AGAP6: variants seen among roughly 807,000 people sequenced by gnomAD.
The protein encoded by AGAP6 is ArfGAP with GTPase domain, ankyrin repeat and PH domain 6.
AGAP6 carries 29 observed loss-of-function variants against 63.9 expected under a neutral mutation model. The ratio of observed to expected loss-of-function variants is 0.45; its 90% CI spans 0.34 to 0.62. AGAP6 has a LOEUF of 0.62. Among genes scored for constraint, AGAP6 ranks in the 20% least tolerant of loss-of-function variants. The pLI, the probability that AGAP6 is intolerant of heterozygous loss-of-function variation, is 0.01. For missense variants in AGAP6, 493 were observed against 884.9 expected (o/e 0.56, Z 5.62); for synonymous variants, 199 against 332.9 (o/e 0.60, Z 4.38).
intron 4 of AGAP6, among the ~76,000 whole-genome samples, chr10:49,995,055 G>A (rs1554861712): frequency 6.6e-6 from 1 of 151,226 alleles, no homozygotes; most frequent in Non-Finnish European, 1.5e-5. Context: ...TGCCAGCACT[G>A]TCTATTGACT....
chr10:49,991,820 A>G, intron 3 of AGAP6, 76 bp downstream of exon 3: 3 of 1,580,800 alleles, frequency 1.9e-6, no homozygotes, highest in Admixed American at 1.8e-5. Context: ...AAGTATTTAG[A>G]AAAACTCATA....
chr10:50,009,161 T>C lies in AGAP6; in HGVS notation c.1036T>C (p.Ser346Pro). 2.5e-6 allele frequency: 4 copies of C among 1,614,148 alleles called. No homozygotes were observed. Among genetic ancestry groups the C allele is most frequent in the Non-Finnish European group, 3.4e-6 (4 of 1,180,026 alleles). The change falls in exon 8 of 8, where the codon TCC becomes CCC. Residue 346 changes from serine to proline, a missense_variant. Physicochemically the swap from Ser to Pro is moderately conservative, Grantham distance 74. Coordinates refer to ENST00000412531, the MANE Select transcript of AGAP6 (RefSeq NM_001077665.3). ...CATCAAAGTCCCAGGAAAGTGGCCATCCCTAGCCACATCGGCCTGCACACC... is the reference window on the plus strand; with the variant it reads ...CATCAAAGTCCCAGGAAAGTGGCCACCCCTAGCCACATCGGCCTGCACACC... ...STIKVPGKWP[S>P]LATSACTPIS...
intron 6 of AGAP6, among the ~76,000 whole-genome samples, chr10:50,007,402 A>AG (rs1161066892): frequency 9.9e-6 from 1 of 100,626 alleles, no homozygotes; most frequent in Admixed American, 1.1e-4. Flanking sequence ...CAAAAAAAAA[A>AG]AAAAAAAAAA....
At position 49,999,192 on chromosome 10, in the gene AGAP6, C is replaced by A. The variant is rs1345052756; in HGVS notation, c.397-2804C>A. Among the ~76,000 whole-genome samples, 5 of 136,874 alleles carry A rather than the reference C, an allele frequency of 3.7e-5. 2 individuals carry two copies. Among genetic ancestry groups the A allele is most frequent in the Non-Finnish European group, 3.1e-5 (2 of 65,138 alleles). 89.8% of individuals were successfully genotyped at this position (136,874 alleles called of 152,430 possible). A position where few individuals can be genotyped will look rare whatever the true frequency, so the allele number is the denominator to read the frequency against. ...GGCAGAGGTTGCAGTGAGCCAAGAT[C>A]ACCGCACTGCATACTCCAGCCTGGG... On this transcript the variant is annotated intron_variant, in intron 4 of 7. Transcript: ENST00000412531.
At chr10:50,007,799 G>A (rs191304712) in intron 6 of AGAP6, among the ~76,000 whole-genome samples, 4,697 of 152,060 alleles carry the variant, frequency 0.031, 210 homozygotes, top group African/African-American at 0.1. Flanking sequence ...ATACTCACGG[G>A]CATTTCTGAC....
At chr10:50,000,010 C>T (rs1227005814) in intron 4 of AGAP6, among the ~76,000 whole-genome samples, 5 of 133,378 alleles carry the variant, frequency 3.7e-5, no homozygotes, top group African/African-American at 8.8e-5. Context: ...GAAGTCAGTG[C>T]GTGGGCATCC....
Position 50,004,385 on chromosome 10 carries a change from G to A in AGAP6, c.498-300G>A, listed in dbSNP as rs185020262. The stretch of plus-strand genomic sequence containing the variant: ...AATAAATAAATACATAAAATAAATC[G>A]CATGGGACGAAAGGTTTCATGGGTA... On this transcript the variant is annotated intron_variant, in intron 5 of 7. Coordinates refer to ENST00000412531, the MANE Select transcript of AGAP6 (RefSeq NM_001077665.3). 4.8e-3 allele frequency among the ~76,000 whole-genome samples: 724 copies of A among 151,326 alleles called. 4 individuals are homozygous for A. Among genetic ancestry groups the A allele is most frequent in the Middle Eastern group, 0.017 (5 of 294 alleles).
chr10:49,993,485 A>C (rs1841363507), intron 3 of AGAP6, among the ~76,000 whole-genome samples: 1 of 152,098 alleles, frequency 6.6e-6, no homozygotes, highest in African/African-American at 2.4e-5. Flanking sequence ...TTTGTGCTGC[A>C]GACACCATGT....
chr10:50,001,442 C>T (rs1226745875), intron 4 of AGAP6, among the ~76,000 whole-genome samples: 40 of 94,436 alleles, frequency 4.2e-4, no homozygotes, highest in Non-Finnish European at 4.6e-4. Context: ...TTTTTTGAGA[C>T]GGAGTCTCAC....
intron 5 of AGAP6, among the ~76,000 whole-genome samples, chr10:50,003,478 A>G (rs536954857): frequency 2.2e-4 from 33 of 152,244 alleles, no homozygotes; most frequent in African/African-American, 7.7e-4. Context: ...GAAAATCGGG[A>G]TGGATGTGAG....
Position 49,988,752 on chromosome 10 carries a change from G to A in AGAP6, c.37G>A (p.Val13Ile), listed in dbSNP as rs782327008. The A allele has an allele frequency of 2.4e-5, 38 of 1,590,816 alleles. No individual in the cohort carries two copies. Among genetic ancestry groups the A allele is most frequent in the Admixed American group, 6.7e-5 (4 of 59,490 alleles). The change falls in exon 1 of 8, where the codon GTC (valine) becomes ATC (isoleucine). Residue 13 changes from valine (V) to isoleucine (I), a missense_variant. Transcript: ENST00000412531. ...NILTCRVHPS[V>I]SLEFDQQQGS... ...ACTGACCTGTCGTGTGCACCCTAGC[G>A]TCAGCCTCGAGTTTGACCAGCAGCA... is the stretch of plus-strand genomic sequence containing the variant.
At chr10:49,988,384 C>A (rs1372362635), upstream of AGAP6, 2 of 1,284,746 alleles carry the variant, frequency 1.6e-6, no homozygotes, top group African/African-American at 3.0e-5. Flanking sequence ...TAGGTGACTA[C>A]AGAAGGAGGA....
chr10:49,989,394 G>A lies in AGAP6; in HGVS notation c.292+18G>A, dbSNP rs782105342. The A allele has an allele frequency of 2.3e-5, 36 of 1,597,302 alleles. No homozygotes were observed. Among genetic ancestry groups the A allele is most frequent in the Non-Finnish European group, 3.1e-5 (36 of 1,179,720 alleles). On this transcript the variant is annotated intron_variant, in intron 2 of 7. Transcript: ENST00000412531. ...AACAGAAGGTGAGACAACAGTGTCT[G>A]TAGCTCTATTTATTATCCTGTGGTA... is the stretch of plus-strand genomic sequence containing the variant.
chr10:50,010,172 G>C lies in AGAP6; in HGVS notation c.2047G>C (p.Asp683His), dbSNP rs1219006309. The C allele has an allele frequency of 1.9e-6, 3 of 1,605,290 alleles. No individual in the cohort carries two copies. The Admixed American group carries it at 5.0e-5, about 27-fold the overall frequency. The change falls in exon 8 of 8, where the codon GAC becomes CAC. Residue 683 changes from aspartate (D) to histidine (H), a missense_variant. Transcript: ENST00000412531. ...INVLLQYGCP[D>H]ECV ...CGTGCTTCTGCAGTACGGCTGCCCC[G>C]ACGAGTGTGTGTAGTATCTGTTTTA... is the stretch of plus-strand genomic sequence containing the variant.
At chr10:50,004,140 A>G (rs1554863445) in intron 5 of AGAP6, among the ~76,000 whole-genome samples, 1 of 151,378 alleles carries the variant, frequency 6.6e-6, no homozygotes, top group African/African-American at 2.4e-5. Flanking sequence ...AGCCGAGATC[A>G]CACCATTGCA....
In AGAP6 at chr10:49,989,328, G is replaced by A. The variant is rs562346355; in HGVS notation, c.244G>A (p.Ala82Thr). The A allele has an allele frequency of 6.7e-5, 107 of 1,597,190 alleles. No homozygotes were observed. In the Admixed American group the frequency reaches 1.7e-3, roughly 25 times the overall value. ...TATAGCTTTGGAGTTTAACCTTTCT[G>A]CCAATCCAGAGTCAAGCACAATATT... ...MPEALEFNLS[A>T]NPESSTIFQR... The change falls in exon 2 of 8, where the codon GCC becomes ACC. Residue 82 changes from alanine to threonine, a missense_variant. Coordinates refer to ENST00000412531, the MANE Select transcript of AGAP6 (RefSeq NM_001077665.3).
intron 6 of AGAP6, among the ~76,000 whole-genome samples, chr10:50,007,029 T>C (rs1841935443): frequency 6.6e-6 from 1 of 151,116 alleles, no homozygotes; most frequent in Non-Finnish European, 1.5e-5. Context: ...AAGCAGGCAA[T>C]GACTTTGTAT....
At chr10:50,006,255 G>A (rs1236016499) in intron 6 of AGAP6, among the ~76,000 whole-genome samples, 4 of 152,196 alleles carry the variant, frequency 2.6e-5, no homozygotes, top group East Asian at 1.9e-4. Context: ...ACTTTAACAC[G>A]CCTTTAAGTA....
rs1554861588 is a variant in AGAP6 at position 49,994,289 on chromosome 10, G to A, written c.362-106G>A. 3 of 1,212,808 alleles carry A rather than the reference G, an allele frequency of 2.5e-6. No individual in the cohort carries two copies. The African/African-American group carries it at 4.7e-5, about 19-fold the overall frequency. The allele number at this position is 1,212,808 out of a possible 1,614,324, so 75.1% of individuals were successfully genotyped here. ...ATTATTGAAAATTATTTTTTAAATG[G>A]AATTTTGTCTCATTTTACGTAGGAG... On this transcript the variant is annotated intron_variant, in intron 3 of 7. Transcript: ENST00000412531.
Sources: gnomAD v4.1 joint callset for allele counts (sites outside exome capture counted in the v4.1 genomes callset) on GRCh38, gnomAD v4.1.1 for gene constraint, MANE v1.5 for transcripts, NCBI Gene and HGNC (gene_info 2026-07-23, HGNC 2026-07-21) for gene names.